MASP1: variants seen among roughly 807,000 people sequenced by gnomAD.
The protein encoded by MASP1 is MBL associated serine protease 1.
MASP1 carries 59 observed loss-of-function variants against 77.1 expected under a neutral mutation model. The ratio of observed to expected loss-of-function variants is 0.77; its 90% CI spans 0.62 to 0.95. MASP1 has a LOEUF of 0.95. Ranked by LOEUF, MASP1 falls within the 40% of genes least tolerant of loss-of-function variation. The pLI is 0.00. For missense variants in MASP1, 885 were observed against 912.9 expected (o/e 0.97, Z 0.39); for synonymous variants, 362 against 354.5 (o/e 1.02, Z -0.24).
intron 2 of MASP1, among the ~76,000 whole-genome samples, chr3:187,283,395 A>G (rs1238683793): frequency 6.6e-6 from 1 of 152,198 alleles, no homozygotes; most frequent in East Asian, 1.9e-4. Flanking sequence ...TACTCCACTT[A>G]TTTGGAGCAA....
intron 12 of MASP1, chr3:187,226,307 G>A: frequency 6.9e-6 from 6 of 871,860 alleles, no homozygotes; most frequent in South Asian, 5.7e-5. Context: ...TGACAAATGA[G>A]TGAGCGAGTG....
chr3:187,279,163 G>T (rs1024490457), intron 2 of MASP1, among the ~76,000 whole-genome samples: 1 of 152,206 alleles, frequency 6.6e-6, no homozygotes, highest in Non-Finnish European at 1.5e-5. Flanking sequence ...CCTGAAATAC[G>T]TGTCTTTCTC....
intron 12 of MASP1, among the ~76,000 whole-genome samples, chr3:187,225,663 A>G (rs1268025170): frequency 6.6e-6 from 1 of 151,796 alleles, no homozygotes; most frequent in Non-Finnish European, 1.5e-5. Flanking sequence ...ATCCCACCCT[A>G]TTGGTCATTC....
chr3:187,224,536 C>CG (rs1209251219), intron 13 of MASP1, among the ~76,000 whole-genome samples: 2 of 151,552 alleles, frequency 1.3e-5, no homozygotes, highest in Admixed American at 6.6e-5. Flanking sequence ...TTAGTAGAGA[C>CG]GGGGTTTCAC....
rs1397559418 is a variant in MASP1, at chr3:187,256,822, C to A, written c.586G>T (p.Val196Leu). Reference protein sequence around the residue: ...SDNLFTQRTGVITSPDFPNPY... With the variant: ...SDNLFTQRTGLITSPDFPNPY... ...TTTGGGAAGTCAGGGCTGGTGATCA[C>A]CCCAGTCCTTTGAGTGAAGAGGTTG... The change falls in exon 5 of 11, where the codon GTG becomes TTG. Residue 196 changes from valine to leucine, a missense_variant. Transcript: ENST00000296280. 1.9e-6 allele frequency: 3 copies of A among 1,613,808 alleles called. No homozygotes were observed. The highest frequency in any genetic ancestry group is 1.7e-5 in the Admixed American group (1 of 59,976).
chr3:187,243,811 T>C (rs1030082266), intron 8 of MASP1, 190 bp from the exon 9 acceptor site: 2 of 681,614 alleles, frequency 2.9e-6, no homozygotes, highest in Admixed American at 2.1e-5. Context: ...ATGGTCCTGC[T>C]TTTGAGGTCT....
chr3:187,223,474 A>C (rs540478684), intron 13 of MASP1, among the ~76,000 whole-genome samples: 1 of 152,296 alleles, frequency 6.6e-6, no homozygotes, highest in Admixed American at 6.5e-5. Context: ...GGTCCATGAG[A>C]GCAGAATCTC....
chr3:187,256,841 G>A lies in MASP1; in HGVS notation c.567C>T (p.Leu189=), dbSNP rs750453996. ...RTCRVECSDN[L]FTQRTGVITS... The stretch of plus-strand genomic sequence containing the variant: ...TGATCACCCCAGTCCTTTGAGTGAA[G>A]AGGTTGTCACTGCACTCCACTGTTG... The change falls in exon 5 of 11, where the codon CTC becomes CTT. Residue 189 remains leucine, a synonymous_variant. Coordinates refer to ENST00000296280, the MANE Select transcript of MASP1 (RefSeq NM_139125.4). 1.4e-5 allele frequency: 23 copies of A among 1,613,992 alleles called. No individual in the cohort carries two copies. Among genetic ancestry groups the A allele is most frequent in the Non-Finnish European group, 1.9e-5 (23 of 1,179,976 alleles).
chr3:187,240,473 C>A (rs999943001), intron 10 of MASP1, among the ~76,000 whole-genome samples: 17 of 151,680 alleles, frequency 1.1e-4, no homozygotes, highest in African/African-American at 3.9e-4. Context: ...GCCATTCTTG[C>A]TTTTTTTTAA....
chr3:187,223,480 A>C (rs1284312095), intron 13 of MASP1, among the ~76,000 whole-genome samples: 1 of 152,196 alleles, frequency 6.6e-6, no homozygotes, highest in Non-Finnish European at 1.5e-5. Context: ...TGAGAGCAGA[A>C]TCTCATTCTT....
At position 187,245,045 on chromosome 3, in the gene MASP1, G is replaced by A. The variant is rs543788113; in HGVS notation, c.1091-1424C>T. 9 of 152,264 alleles carry A rather than the reference G, an allele frequency of 5.9e-5. 1 individual carries two copies. The South Asian group carries it at 6.2e-4, about 11-fold the overall frequency. 9.4% of individuals were successfully genotyped at this position (152,264 alleles called of 1,614,324 possible). A position where few individuals can be genotyped will look rare whatever the true frequency, so the allele number is the denominator to read the frequency against. On this transcript the variant is annotated intron_variant, in intron 8 of 10. Transcript: ENST00000296280. ...TAGGTACTTCTTATCCACTAAGAAGGCCAATCAAGACAACTGGTTTTGTCC... is the reference window on the plus strand; with the variant it reads ...TAGGTACTTCTTATCCACTAAGAAGACCAATCAAGACAACTGGTTTTGTCC...
Position 187,285,981 on chromosome 3 carries a change from C to T in MASP1, c.81G>A (p.Met27Ile). The change falls in exon 2 of 11, where the codon ATG (methionine) becomes ATA (isoleucine). Residue 27 changes from methionine (M) to isoleucine (I), a missense_variant. Met to Ile is a conservative substitution (Grantham distance 10, BLOSUM62 1). Transcript: ENST00000296280. ...ASAHTVELNN[M>I]FGQIQSPGYP... is the part of the protein sequence containing the mutation. ...AACCAGGCGACTGGATCTGGCCAAA[C>T]ATATTGTTTAGCTCCACGGTGTGGG... The T allele has an allele frequency of 1.2e-6, 2 of 1,614,218 alleles. No homozygotes were observed. Among genetic ancestry groups the T allele is most frequent in the East Asian group, 2.2e-5 (1 of 44,882 alleles).
intron 2 of MASP1, among the ~76,000 whole-genome samples, chr3:187,267,495 G>A (rs986563722): frequency 6.6e-6 from 1 of 152,186 alleles, no homozygotes; most frequent in African/African-American, 2.4e-5. Flanking sequence ...AAGTTTGAAA[G>A]GCAATAGTCA....
At chr3:187,237,772 G>C (rs911326839) in intron 10 of MASP1, among the ~76,000 whole-genome samples, 2 of 152,238 alleles carry the variant, frequency 1.3e-5, no homozygotes, top group Non-Finnish European at 2.9e-5. Context: ...CCTACTATGA[G>C]TGTGGGCCTC....
chr3:187,282,587 G>T (rs1717523753), intron 2 of MASP1, among the ~76,000 whole-genome samples: 1 of 152,086 alleles, frequency 6.6e-6, no homozygotes, highest in Non-Finnish European at 1.5e-5. Flanking sequence ...TCCCCAGAGG[G>T]CCCCTGCAGC....
chr3:187,254,891 G>C (rs1341256783), intron 5 of MASP1, among the ~76,000 whole-genome samples: 1 of 152,052 alleles, frequency 6.6e-6, no homozygotes, highest in African/African-American at 2.4e-5. Flanking sequence ...GCAATCCCAA[G>C]TGATATCTTT....
intron 2 of MASP1, chr3:187,263,003 T>C: frequency 2.5e-6 from 1 of 400,230 alleles, no homozygotes. Flanking sequence ...AATAACTCAA[T>C]ATGAAAGTTT....
intron 5 of MASP1, among the ~76,000 whole-genome samples, chr3:187,255,322 CCAG>C (rs1714981404): frequency 2.0e-5 from 3 of 152,094 alleles, no homozygotes; most frequent in African/African-American, 7.2e-5. Context: ...TGGCTGACAG[CCAG>C]GAAGAAGAAG....
intron 1 of MASP1, among the ~76,000 whole-genome samples, chr3:187,290,979 C>CTT (rs79212411): frequency 7.0e-6 from 1 of 141,882 alleles, no homozygotes. Flanking sequence ...CTCTAAAATC[C>CTT]TTTTTTTTTT....
Sources: allele counts gnomAD v4.1 joint callset (sites outside exome capture counted in the v4.1 genomes callset), GRCh38; gene constraint gnomAD v4.1.1; transcripts MANE v1.5; gene names NCBI Gene and HGNC (gene_info 2026-07-23, HGNC 2026-07-21).